Variants in SLC24A2 observed in about 807,000 individuals in gnomAD.
SLC24A2 encodes solute carrier family 24 member 2, also known as sodium/potassium/calcium exchanger 2.
Under a neutral mutation model 62.0 loss-of-function variants are expected in SLC24A2, and 36 were observed. The observed-to-expected ratio is 0.58, with a 90% CI of 0.44 to 0.77. The LOEUF is 0.77. Ranked by LOEUF, SLC24A2 falls within the 30% of genes least tolerant of loss-of-function variation. The pLI is 0.00. For synonymous variants in SLC24A2, 358 were observed against 294.0 expected (o/e 1.22, Z -2.23); for missense variants, 846 against 817.9 (o/e 1.03, Z -0.42).
chr9:19,842,338 A>C, the SLC24A2 span, among the ~76,000 whole-genome samples: 2 of 152,232 alleles, frequency 1.3e-5, no homozygotes, highest in Non-Finnish European at 2.9e-5. Flanking sequence ...TCCATGATCC[A>C]GAAGCAGCTA....
chr9:19,542,025 G>A (rs915360304), intron 8 of SLC24A2, among the ~76,000 whole-genome samples: 7 of 152,168 alleles, frequency 4.6e-5, no homozygotes, highest in Admixed American at 3.9e-4. Context: ...CCTGACCCTT[G>A]CGCTTCCCAG....
chr9:19,547,881 T>C (rs1834661887), intron 8 of SLC24A2, among the ~76,000 whole-genome samples: 1 of 151,664 alleles, frequency 6.6e-6, no homozygotes, highest in Admixed American at 6.6e-5. Context: ...ATCTTAGAAA[T>C]GTCAGTGTGG....
chr9:19,532,066 T>A (rs1403181275), intron 8 of SLC24A2, among the ~76,000 whole-genome samples: 1 of 152,112 alleles, frequency 6.6e-6, no homozygotes, highest in African/African-American at 2.4e-5. Flanking sequence ...CCTTTGTGAA[T>A]CATCCCATAT....
intron 2 of SLC24A2, among the ~76,000 whole-genome samples, chr9:19,713,931 G>C (rs943302933): frequency 6.6e-6 from 1 of 152,128 alleles, no homozygotes; most frequent in African/African-American, 2.4e-5. Context: ...TGGAGACTAA[G>C]GGAAGAAAAT....
the SLC24A2 span, among the ~76,000 whole-genome samples, chr9:19,977,700 T>C: frequency 7.2e-5 from 11 of 152,302 alleles, 1 homozygote; most frequent in African/African-American, 2.6e-4. Context: ...TTGAAGGCAA[T>C]TGTATCTCCT....
the SLC24A2 span, among the ~76,000 whole-genome samples, chr9:20,052,675 T>A: frequency 1.2e-4 from 19 of 152,328 alleles, no homozygotes; most frequent in African/African-American, 4.3e-4. Flanking sequence ...TATTCTCCAA[T>A]TGTCATGCCC....
the SLC24A2 span, among the ~76,000 whole-genome samples, chr9:20,103,295 G>A: frequency 6.6e-6 from 1 of 152,344 alleles, no homozygotes; most frequent in Admixed American, 6.5e-5. Context: ...AAAGGCAGCA[G>A]TAACCTCTGC....
intron 2 of SLC24A2, among the ~76,000 whole-genome samples, chr9:19,784,572 C>T (rs2148789): frequency 6.6e-6 from 1 of 152,014 alleles, no homozygotes; most frequent in African/African-American, 2.4e-5. Context: ...TATCAATGTA[C>T]ACCACCCAAA....
At chr9:19,833,966 G>C in the SLC24A2 span, among the ~76,000 whole-genome samples, 2 of 152,138 alleles carry the variant, frequency 1.3e-5, no homozygotes, top group Non-Finnish European at 2.9e-5. Flanking sequence ...AGGCAAACAG[G>C]GTCTGGAGTG....
chr9:19,593,226 T>TGA (rs1563986878), intron 5 of SLC24A2, among the ~76,000 whole-genome samples: 79 of 152,366 alleles, frequency 5.2e-4, no homozygotes, highest in Middle Eastern at 3.4e-3. Context: ...ACTCATCTCA[T>TGA]GCCTGTGTCT....
chr9:19,516,771 A>G (rs113260561), intron 10 of SLC24A2, among the ~76,000 whole-genome samples: 1 of 152,190 alleles, frequency 6.6e-6, no homozygotes, highest in African/African-American at 2.4e-5. Context: ...GGATTTGCAC[A>G]GGGTGAAGGG....
chr9:19,850,965 ATGTATATATATATATATATG>A, the SLC24A2 span, among the ~76,000 whole-genome samples: 412 of 49,654 alleles, frequency 8.3e-3, 18 homozygotes, highest in African/African-American at 0.028. Context: ...ATATATATAT[ATGTATATATATATATATATG>A]TATATATATA....
chr9:19,715,089 A>AATAATT (rs1435573658), intron 2 of SLC24A2, among the ~76,000 whole-genome samples: 1 of 152,122 alleles, frequency 6.6e-6, no homozygotes, highest in East Asian at 1.9e-4. Context: ...TAATAATAAT[A>AATAATT]ATAATCAGGA....
the SLC24A2 span, among the ~76,000 whole-genome samples, chr9:20,204,536 C>T: frequency 2.0e-5 from 3 of 152,156 alleles, no homozygotes; most frequent in South Asian, 6.2e-4. Context: ...TTGACTTATC[C>T]TGGACCAACT....
At chr9:19,564,271 T>G (rs1158121508) in intron 7 of SLC24A2, among the ~76,000 whole-genome samples, 3 of 152,182 alleles carry the variant, frequency 2.0e-5, no homozygotes, top group Non-Finnish European at 4.4e-5. Flanking sequence ...ACTTCCATCA[T>G]GTTTCCCCTA....
intron 2 of SLC24A2, among the ~76,000 whole-genome samples, chr9:19,764,677 T>C (rs1822457194): frequency 6.6e-6 from 1 of 152,230 alleles, no homozygotes; most frequent in Non-Finnish European, 1.5e-5. Context: ...CTGTTATGAT[T>C]TCCATTCTTT....
the SLC24A2 span, among the ~76,000 whole-genome samples, chr9:20,110,334 T>G: frequency 6.6e-6 from 1 of 152,154 alleles, no homozygotes; most frequent in Non-Finnish European, 1.5e-5. Context: ...GACCCAATTG[T>G]GTTAGGAATT....
chr9:20,110,488 G>C, the SLC24A2 span, among the ~76,000 whole-genome samples: 1 of 151,384 alleles, frequency 6.6e-6, no homozygotes, highest in Non-Finnish European at 1.5e-5. Context: ...ACTAACTTAA[G>C]TGATTATAAC....
At chr9:19,518,425 CT>C (rs59805848) in intron 10 of SLC24A2, among the ~76,000 whole-genome samples, 257 of 141,194 alleles carry the variant, frequency 1.8e-3, no homozygotes, top group African/African-American at 3.2e-3. Context: ...CTTTTCTTTT[CT>C]TTTTTTTTTT....
Sources: allele counts gnomAD v4.1 joint callset (sites outside exome capture counted in the v4.1 genomes callset), GRCh38; gene constraint gnomAD v4.1.1; transcripts MANE v1.5; gene names NCBI Gene and HGNC (gene_info 2026-07-23, HGNC 2026-07-21).